OR1I1: variants seen among roughly 807,000 people sequenced by gnomAD.
OR1I1 encodes the protein olfactory receptor 1I1.
For synonymous variants in OR1I1, 171 were observed against 181.4 expected (o/e 0.94, Z 0.46); for missense variants, 451 against 443.6 (o/e 1.02, Z -0.15).
In OR1I1 at chr19:15,091,590, C is replaced by A. The variant is rs1248255551; in HGVS notation, c.*3457C>A. ...AGGAGAATGGCCTGAACCCGGGAGGCGGAGCTTGCAGTGAGCCAAGGCCAC... is the reference window on the plus strand; with the variant it reads ...AGGAGAATGGCCTGAACCCGGGAGGAGGAGCTTGCAGTGAGCCAAGGCCAC... On this transcript the variant is annotated 3_prime_UTR_variant, in exon 2 of 2. Transcript: ENST00000641398. The A allele has an allele frequency of 6.6e-6, 1 of 152,122 alleles. No individual in the cohort carries two copies. Among genetic ancestry groups the A allele is most frequent in the African/African-American group, 2.4e-5 (1 of 41,370 alleles). The allele number at this position is 152,122 out of a possible 1,614,324, so 9.4% of individuals were successfully genotyped here. A position where few individuals can be genotyped will look rare whatever the true frequency, so the allele number is the denominator to read the frequency against.
At position 15,090,559 on chromosome 19, in the gene OR1I1, T is replaced by C. The variant is rs1372765511; in HGVS notation, c.*2426T>C. On this transcript the variant is annotated 3_prime_UTR_variant, in exon 2 of 2. Coordinates refer to ENST00000641398, the MANE Select transcript of OR1I1 (RefSeq NM_001004713.2). Reference sequence around the variant, plus strand: ...CTGTAAGACAACAAATTTCTATTGTTTAAGTCACCTAGTTCATGGTAATTT... The same window carrying C: ...CTGTAAGACAACAAATTTCTATTGTCTAAGTCACCTAGTTCATGGTAATTT... 1 of 152,154 alleles carries C rather than the reference T, an allele frequency of 6.6e-6. No individual in the cohort carries two copies. The highest frequency in any genetic ancestry group is 1.5e-5 in the Non-Finnish European group (1 of 68,044). The allele number at this position is 152,154 out of a possible 1,614,324, so 9.4% of individuals were successfully genotyped here.
rs1003630623 is a variant in OR1I1 at position 15,088,052 on chromosome 19, G to A, written c.987G>A (p.Leu329=). 6.2e-7 allele frequency: 1 copy of A among 1,601,978 alleles called. No individual in the cohort carries two copies. Among genetic ancestry groups the A allele is most frequent in the African/African-American group, 1.3e-5 (1 of 74,828 alleles). Reference sequence around the variant, plus strand: ...TTTATCATGTTCCAGGATCACTGTTGGCTGCTAGGGACACAGAGATGCATC... The same window carrying A: ...TTTATCATGTTCCAGGATCACTGTTAGCTGCTAGGGACACAGAGATGCATC... ...LDVYHVPGSL[L]AARDTEMHPI... The change falls in exon 2 of 2, where the codon TTG becomes TTA. Residue 329 remains leucine, a synonymous_variant. Coordinates refer to ENST00000641398, the MANE Select transcript of OR1I1 (RefSeq NM_001004713.2).
At chr19:15,083,750 T>C (rs13345241) in intron 1 of OR1I1, among the ~76,000 whole-genome samples, 10,027 of 152,014 alleles carry the variant, frequency 0.066, 992 homozygotes, top group African/African-American at 0.22. Flanking sequence ...GAGGCCAAGG[T>C]GGGCGGATCA....
chr19:15,085,130 T>TTTTATATATATATATA (rs1253261208), intron 1 of OR1I1, among the ~76,000 whole-genome samples: 5 of 28,520 alleles, frequency 1.8e-4, no homozygotes, highest in Admixed American at 4.3e-4. Flanking sequence ...CATTTTTGAC[T>TTTTATATATATATATA]TATATATATA....
Position 15,087,214 on chromosome 19 carries a change from TCACGGACTC to T in OR1I1, c.150_158del (p.Thr51_Ser53del). Reference sequence around the variant, plus strand: ...AATGCCCTCATTATCCTGGCCATCATCACGGACTCTCACCTCCACACACCCATGTACTTC... The same window carrying T: ...AATGCCCTCATTATCCTGGCCATCATTCACCTCCACACACCCATGTACTTC... On this transcript the variant is annotated inframe_deletion, in exon 2 of 2. Transcript: ENST00000641398. 1 of 1,614,120 alleles carries T rather than the reference TCACGGACTC, an allele frequency of 6.2e-7. No homozygotes were observed. The highest frequency in any genetic ancestry group is 1.7e-5 in the Admixed American group (1 of 60,002).
intron 1 of OR1I1, among the ~76,000 whole-genome samples, chr19:15,086,514 C>T (rs926509169): frequency 1.3e-5 from 2 of 151,654 alleles, no homozygotes; most frequent in African/African-American, 4.8e-5. Flanking sequence ...AGAGCCGTGG[C>T]ACAATCTCTG....
rs1474503356 is a variant in OR1I1 at position 15,087,033 on chromosome 19, T to C, written c.-13-20T>C. Reference sequence around the variant, plus strand: ...GACACCTGGCTCTGTGTGGTTTTTCTCCCTTTTTGTTCCCACTAGTCACAG... The same window carrying C: ...GACACCTGGCTCTGTGTGGTTTTTCCCCCTTTTTGTTCCCACTAGTCACAG... On this transcript the variant is annotated intron_variant, in intron 1 of 1. Coordinates refer to ENST00000641398, the MANE Select transcript of OR1I1 (RefSeq NM_001004713.2). 5 of 1,570,712 alleles carry C rather than the reference T, an allele frequency of 3.2e-6. No individual in the cohort carries two copies. The East Asian group carries it at 1.1e-4, about 35-fold the overall frequency.
At chr19:15,085,016 T>C (rs2046222511) in intron 1 of OR1I1, among the ~76,000 whole-genome samples, 2 of 150,516 alleles carry the variant, frequency 1.3e-5, no homozygotes, top group Admixed American at 6.6e-5. Context: ...ATAGATCTTG[T>C]ATTAGATAAT....
At chr19:15,085,145 TATATATATATA>T (rs2046223674) in intron 1 of OR1I1, among the ~76,000 whole-genome samples, 10 of 30,458 alleles carry the variant, frequency 3.3e-4, no homozygotes, top group African/African-American at 1.5e-3. Flanking sequence ...TATATATATA[TATATATATATA>T]TATATATATA....
rs144174586 is a variant in OR1I1, at chr19:15,090,344, G to T, written c.*2211G>T. ...GCCTCCCAAGTAGCTGGGATTACAG[G>T]CACCCACCACCACGCCCAGCTAATT... On this transcript the variant is annotated 3_prime_UTR_variant, in exon 2 of 2. Transcript: ENST00000641398. The T allele has an allele frequency of 1.2e-3, 177 of 152,054 alleles. No individual in the cohort carries two copies. The highest frequency in any genetic ancestry group is 4.2e-3 in the African/African-American group (173 of 41,432). 9.4% of individuals were successfully genotyped at this position (152,054 alleles called of 1,614,324 possible). A position where few individuals can be genotyped will look rare whatever the true frequency, so the allele number is the denominator to read the frequency against.
intron 1 of OR1I1, among the ~76,000 whole-genome samples, chr19:15,085,854 G>A (rs560892099): frequency 5.9e-5 from 9 of 152,126 alleles, no homozygotes; most frequent in Non-Finnish European, 1.3e-4. Context: ...GGTTGCAAAT[G>A]ATAGAATTTC....
At chr19:15,083,582 C>T (rs915781503) in intron 1 of OR1I1, among the ~76,000 whole-genome samples, 3 of 88,756 alleles carry the variant, frequency 3.4e-5, no homozygotes, top group Non-Finnish European at 5.0e-5. Flanking sequence ...TCAAGTCCAA[C>T]ACTAAAAAGC....
chr19:15,085,163 TATATATA>T (rs1469111753), intron 1 of OR1I1, among the ~76,000 whole-genome samples: 1,470 of 48,972 alleles, frequency 0.03, 150 homozygotes, highest in South Asian at 0.041. Context: ...TATATATATA[TATATATA>T]TATATATTTT....
intron 1 of OR1I1, among the ~76,000 whole-genome samples, chr19:15,084,571 A>G (rs564804858): frequency 7.9e-5 from 12 of 151,964 alleles, no homozygotes; most frequent in Admixed American, 7.9e-4. Context: ...AAAGAAAAGA[A>G]AGAAAGAAAC....
rs1296896822 is a variant in OR1I1, at chr19:15,085,149, TATATATATATATATATATATA to T, written c.-13-1903_-13-1883del. ...TTTGACTTATATATATATATATATA[TATATATATATATATATATATA>T]TATATATTTTTTTTTTTGAGACAGA... On this transcript the variant is annotated intron_variant, in intron 1 of 1. Coordinates refer to ENST00000641398, the MANE Select transcript of OR1I1 (RefSeq NM_001004713.2). 8.7e-4 allele frequency among the ~76,000 whole-genome samples: 30 copies of T among 34,544 alleles called. 2 individuals carry two copies. Among genetic ancestry groups the T allele is most frequent in the Admixed American group, 3.7e-3 (13 of 3,484 alleles). The allele number at this position is 34,544 out of a possible 152,430, so 22.7% of individuals were successfully genotyped here. A position where few individuals can be genotyped will look rare whatever the true frequency, so the allele number is the denominator to read the frequency against.
At position 15,092,096 on chromosome 19, in the gene OR1I1, T is replaced by C. The variant is rs1201042363; in HGVS notation, c.*3963T>C. 6.6e-5 allele frequency: 4 copies of C among 60,762 alleles called. No individual in the cohort carries two copies. Among genetic ancestry groups the C allele is most frequent in the Non-Finnish European group, 1.6e-4 (3 of 18,486 alleles). 3.8% of individuals were successfully genotyped at this position (60,762 alleles called of 1,614,324 possible). A position where few individuals can be genotyped will look rare whatever the true frequency, so the allele number is the denominator to read the frequency against. On this transcript the variant is annotated 3_prime_UTR_variant, in exon 2 of 2. Transcript: ENST00000641398. ...AATTGGATTTAAAACGCTTTTTTTT[T>C]TTTTTTTTTTTTTTGGTTTTTGGTT...
chr19:15,086,603 A>G (rs1301984790), intron 1 of OR1I1, among the ~76,000 whole-genome samples: 1 of 151,788 alleles, frequency 6.6e-6, no homozygotes, highest in Non-Finnish European at 1.5e-5. Flanking sequence ...GCAGGCGCCC[A>G]CCACCACGCC....
rs73008811 is a variant in OR1I1, at chr19:15,087,630, G to A, written c.565G>A (p.Gly189Ser). ...CDLMPLLKLS[G>S]SDTHTNELVI... ...CCTCATGCCCCTGCTGAAGCTCTCC[G>A]GCTCAGACACGCACACCAACGAGCT... Residue 189 changes from glycine to serine, a missense_variant, in exon 2 of 2, where the codon GGC becomes AGC. Coordinates refer to ENST00000641398, the MANE Select transcript of OR1I1 (RefSeq NM_001004713.2). 2.3e-4 allele frequency: 378 copies of A among 1,613,874 alleles called. No individual in the cohort carries two copies. Among genetic ancestry groups the A allele is most frequent in the Non-Finnish European group, 3.1e-4 (364 of 1,180,024 alleles).
chr19:15,083,224 T>C (rs1176867661), intron 1 of OR1I1, among the ~76,000 whole-genome samples: 1 of 150,786 alleles, frequency 6.6e-6, no homozygotes, highest in African/African-American at 2.4e-5. Context: ...TATGGAAGCA[T>C]GCCACCATGC....
Sources: allele counts gnomAD v4.1 joint callset (sites outside exome capture counted in the v4.1 genomes callset), GRCh38; gene constraint gnomAD v4.1.1; transcripts MANE v1.5; gene names NCBI Gene and HGNC (gene_info 2026-07-23, HGNC 2026-07-21).